The following ITGAL variants were observed in gnomAD, a reference collection of about 807,000 sequenced individuals.
ITGAL encodes integrin alpha-L.
In ITGAL, 68 loss-of-function variants were observed where a neutral mutation model predicts 138.4. The observed-to-expected ratio is 0.49, with a 90% CI of 0.40 to 0.60. The LOEUF is 0.60. ITGAL is among the 20% of genes least tolerant of loss of function. The pLI, the probability that ITGAL is intolerant of heterozygous loss-of-function variation, is 0.00. For missense variants in ITGAL, 1,256 were observed against 1,478.6 expected (o/e 0.85, Z 2.47); for synonymous variants, 561 against 584.3 (o/e 0.96, Z 0.57).
intron 11 of ITGAL, 27 bp downstream of exon 11, chr16:30,489,413 T>C: frequency 1.2e-6 from 2 of 1,610,736 alleles, no homozygotes; most frequent in Non-Finnish European, 1.7e-6. Context: ...TCTGCTGGGA[T>C]CTTCTGGTTG....
Position 30,521,508 on chromosome 16 carries a change from G to C in ITGAL, c.3356G>C (p.Arg1119Pro). 1.9e-6 allele frequency: 3 copies of C among 1,614,064 alleles called. No individual in the cohort carries two copies. Among genetic ancestry groups the C allele is most frequent in the Non-Finnish European group, 2.5e-6 (3 of 1,179,998 alleles). The stretch of plus-strand genomic sequence containing the variant: ...TTTGTACAGGTTGGTTTCTTCAAAC[G>C]GAACCTGAAGGAGAAGATGGAGGCT... ...IVLYKVGFFK[R>P]NLKEKMEAGR... is the part of the protein sequence containing the mutation. The change falls in exon 31 of 31, where the codon CGG becomes CCG. Residue 1119 changes from arginine (R) to proline (P), a missense_variant. Physicochemically the swap from Arg to Pro is moderately radical, Grantham distance 103. Around this residue, in one of 3 missense-constraint regions of ITGAL, gnomAD observed 867 missense variants for 972.5 expected, o/e 0.89. Transcript: ENST00000356798.
At chr16:30,474,462 G>C in intron 2 of ITGAL, 164 bp downstream of exon 2, 1 of 606,018 alleles carries the variant, frequency 1.7e-6, no homozygotes, top group South Asian at 2.0e-5. Context: ...AGAGACAGGA[G>C]TGAGGGATCA....
At chr16:30,474,106 C>T in intron 1 of ITGAL, 90 bp from the exon 2 acceptor site, 1 of 951,086 alleles carries the variant, frequency 1.1e-6, no homozygotes, top group Admixed American at 2.0e-5. Flanking sequence ...TGGGGAGCGA[C>T]ATCCGGGTGG....
At chr16:30,499,711 A>ACGTATATATATATG (rs2050859019) in intron 17 of ITGAL, among the ~76,000 whole-genome samples, 7 of 93,824 alleles carry the variant, frequency 7.5e-5, no homozygotes, top group South Asian at 5.4e-4. Flanking sequence ...ATATATATAT[A>ACGTATATATATATG]TGTATATATA....
intron 7 of ITGAL, among the ~76,000 whole-genome samples, chr16:30,482,276 T>G (rs1261907808): frequency 6.6e-6 from 1 of 151,886 alleles, no homozygotes; most frequent in Non-Finnish European, 1.5e-5. Context: ...AGATCTTAAC[T>G]CTAAGAAATT....
rs547147312 is a variant in ITGAL at position 30,517,565 on chromosome 16, G to C, written c.2977-84G>C. 1.5e-3 allele frequency: 1,727 copies of C among 1,170,900 alleles called. 2 individuals carry two copies. The highest frequency in any genetic ancestry group is 5.3e-3 in the Middle Eastern group (27 of 5,084). The allele number at this position is 1,170,900 out of a possible 1,614,324, so 72.5% of individuals were successfully genotyped here. A position where few individuals can be genotyped will look rare whatever the true frequency, so the allele number is the denominator to read the frequency against. ...AGATGTCTGAACTCACCCAGGGCCA[G>C]GGCCAGGGCAGGGGAAAGCTGGGAT... On this transcript the variant is annotated intron_variant, in intron 26 of 30. Transcript: ENST00000356798.
rs1380955879 is a variant in ITGAL at position 30,494,521 on chromosome 16, A to G, written c.1365+158A>G. Among the ~76,000 whole-genome samples, 1 of 152,174 alleles carries G rather than the reference A, an allele frequency of 6.6e-6. No homozygotes were observed. Among genetic ancestry groups the G allele is most frequent in the African/African-American group, 2.4e-5 (1 of 41,448 alleles). On this transcript the variant is annotated intron_variant, in intron 12 of 30. Coordinates refer to ENST00000356798, the MANE Select transcript of ITGAL (RefSeq NM_002209.3). The surrounding 1 kb of genome is among the most constrained non-coding windows in gnomAD (Gnocchi z 4.2). The stretch of plus-strand genomic sequence containing the variant: ...ATAACACACAGAGGTAAGCCCTGTC[A>G]TCTCCCTCTCTAGTTTAAGAAACTG...
At chr16:30,485,785 C>T (rs774259384) in intron 9 of ITGAL, among the ~76,000 whole-genome samples, 47 of 149,364 alleles carry the variant, frequency 3.1e-4, no homozygotes, top group Non-Finnish European at 5.4e-4. Flanking sequence ...CTGCCCACCT[C>T]GGCCTCCTAA....
In ITGAL at chr16:30,517,083, G is replaced by A; in HGVS notation, c.2973G>A (p.Gln991=). The A allele has an allele frequency of 3.1e-6, 5 of 1,594,738 alleles. No individual in the cohort carries two copies. The highest frequency in any genetic ancestry group is 4.3e-6 in the Non-Finnish European group (5 of 1,164,724). Residue 991 remains glutamine (Q), a synonymous_variant, in exon 26 of 31, where the codon CAG becomes CAA. Transcript: ENST00000356798. ...CCATCACACACCAGTGGAGCGTGCA[G>A]ATGGTGAGTGCTGCCTGTAGAGGGA... is the stretch of plus-strand genomic sequence containing the variant. ...EGPITHQWSV[Q]MEPPVPCHYE... is the part of the protein sequence containing the mutation.
intron 26 of ITGAL, 45 bp downstream of exon 26, chr16:30,517,131 G>A: frequency 2.3e-6 from 3 of 1,285,026 alleles, no homozygotes; most frequent in Non-Finnish European, 3.3e-6. Context: ...CTCAGGTCTT[G>A]GGGGTGAGTG....
At chr16:30,512,100 C>T (rs1035217305) in intron 24 of ITGAL, among the ~76,000 whole-genome samples, 1 of 152,184 alleles carries the variant, frequency 6.6e-6, no homozygotes, top group African/African-American at 2.4e-5. Flanking sequence ...TAGTTGTTTA[C>T]AAACGTCCCC....
chr16:30,494,640 C>G lies in ITGAL; in HGVS notation c.1366-73C>G. 2.0e-6 allele frequency: 3 copies of G among 1,497,286 alleles called. No homozygotes were observed. Among genetic ancestry groups the G allele is most frequent in the Non-Finnish European group, 2.7e-6 (3 of 1,110,728 alleles). The allele number at this position is 1,497,286 out of a possible 1,614,324, so 92.8% of individuals were successfully genotyped here. ...TTGAGGGAGTGGCACAAGATGAACACGGTACAGGTATCTCCCTGCCAACCC... is the reference window on the plus strand; with the variant it reads ...TTGAGGGAGTGGCACAAGATGAACAGGGTACAGGTATCTCCCTGCCAACCC... On this transcript the variant is annotated intron_variant, in intron 12 of 30. Coordinates refer to ENST00000356798, the MANE Select transcript of ITGAL (RefSeq NM_002209.3). This position sits in a 1 kb window ranked among gnomAD's most constrained non-coding sequence, Gnocchi z 4.2.
intron 7 of ITGAL, 64 bp from the exon 8 acceptor site, chr16:30,483,763 T>C (rs1223461611): frequency 6.6e-7 from 1 of 1,526,240 alleles, no homozygotes; most frequent in East Asian, 2.3e-5. Flanking sequence ...GATGAGCAGG[T>C]GGGGAAAGAG....
At chr16:30,520,048 T>C in intron 30 of ITGAL, 81 bp downstream of exon 30, 1 of 1,066,730 alleles carries the variant, frequency 9.4e-7, no homozygotes, top group South Asian at 1.3e-5. Flanking sequence ...GGGAGGAGAA[T>C]ACCAAGCCAG....
In ITGAL at chr16:30,506,820, C is replaced by A. The variant is rs766083091; in HGVS notation, c.2472C>A (p.Pro824=). 6.2e-7 allele frequency: 1 copy of A among 1,613,962 alleles called. No individual in the cohort carries two copies. Among genetic ancestry groups the A allele is most frequent in the Non-Finnish European group, 8.5e-7 (1 of 1,179,924 alleles). The change falls in exon 21 of 31, where the codon CCC becomes CCA. Residue 824 remains proline (P), a synonymous_variant. Coordinates refer to ENST00000356798, the MANE Select transcript of ITGAL (RefSeq NM_002209.3). ...GGGTCCAGCTGGACCTGCACTTCCC[C>A]CCGGGACTCTCCTTCCGCAAGGTGG... ...AYWVQLDLHF[P]PGLSFRKVEM...
chr16:30,497,105 A>G (rs2050811885), intron 15 of ITGAL, among the ~76,000 whole-genome samples: 1 of 152,026 alleles, frequency 6.6e-6, no homozygotes, highest in Non-Finnish European at 1.5e-5. Flanking sequence ...AGCACTTCGG[A>G]AGTCCGAGGC....
chr16:30,513,089 G>T (rs1331682847), intron 24 of ITGAL, among the ~76,000 whole-genome samples: 1 of 152,228 alleles, frequency 6.6e-6, no homozygotes, highest in East Asian at 1.9e-4. Context: ...GGGGAGAAAT[G>T]GAAGAGTTCG....
chr16:30,490,391 G>A (rs2050709061), intron 11 of ITGAL, among the ~76,000 whole-genome samples: 1 of 152,062 alleles, frequency 6.6e-6, no homozygotes, highest in Non-Finnish European at 1.5e-5. Flanking sequence ...CACCGCTATA[G>A]CCCAGAGCCA....
intron 15 of ITGAL, among the ~76,000 whole-genome samples, chr16:30,498,238 T>C (rs2050833041): frequency 6.8e-6 from 1 of 147,578 alleles, no homozygotes; most frequent in African/African-American, 2.5e-5. Flanking sequence ...GGCAGGAGAA[T>C]TGCTTGAGCC....
Sources: gnomAD v4.1 joint callset for allele counts (sites outside exome capture counted in the v4.1 genomes callset) on GRCh38, gnomAD v4.1.1 for gene constraint, gnomAD v4.1.1 regional missense constraint, Gnocchi (gnomAD v3.1) non-coding constraint, MANE v1.5 for transcripts, NCBI Gene and HGNC (gene_info 2026-07-23, HGNC 2026-07-21) for gene names.